The following DCLK1 variants were observed in gnomAD, a reference collection of about 807,000 sequenced individuals.
DCLK1 encodes the protein doublecortin like kinase 1.
In DCLK1, 16 loss-of-function variants were observed where a neutral mutation model predicts 86.2. The ratio of observed to expected loss-of-function variants is 0.19; its 90% CI spans 0.13 to 0.28. DCLK1 has a LOEUF of 0.28. Among genes scored for constraint, DCLK1 ranks in the 10% least tolerant of loss-of-function variants. The pLI, the probability that DCLK1 is intolerant of heterozygous loss-of-function variation, is 1.00. For synonymous variants in DCLK1, 369 were observed against 370.5 expected, an observed-to-expected ratio of 1.00 and a Z score of 0.05; for missense variants, 590 against 940.2, an observed-to-expected ratio of 0.63 and a Z score of 4.87.
chr13:35,865,490 G>A (rs750424992), intron 5 of DCLK1, among the ~76,000 whole-genome samples: 2 of 152,248 alleles, frequency 1.3e-5, no homozygotes, highest in Non-Finnish European at 2.9e-5. Flanking sequence ...GTGTTATTAA[G>A]GCTTCTGGTT....
At chr13:35,949,169 T>C (rs995009266) in intron 3 of DCLK1, among the ~76,000 whole-genome samples, 1 of 152,214 alleles carries the variant, frequency 6.6e-6, no homozygotes, top group African/African-American at 2.4e-5. Flanking sequence ...TGTGGATGAT[T>C]AATACGTTTT....
At chr13:35,865,446 C>A (rs138871145) in intron 5 of DCLK1, among the ~76,000 whole-genome samples, 1 of 152,206 alleles carries the variant, frequency 6.6e-6, no homozygotes, top group Non-Finnish European at 1.5e-5. Context: ...TGTCTCAGCA[C>A]GCAATTTGTC....
chr13:36,081,986 G>A (rs1402819976), intron 3 of DCLK1, among the ~76,000 whole-genome samples: 1 of 152,154 alleles, frequency 6.6e-6, no homozygotes, highest in Non-Finnish European at 1.5e-5. Context: ...AGGGTGGAGA[G>A]GCCAGCAATC....
intron 16 of DCLK1, among the ~76,000 whole-genome samples, chr13:35,776,845 A>C (rs536429758): frequency 3.2e-4 from 49 of 152,224 alleles, no homozygotes; most frequent in African/African-American, 1.1e-3. Flanking sequence ...TTATCCACTC[A>C]ATACTTCACA....
At chr13:35,982,687 T>G (rs1039498661) in intron 3 of DCLK1, among the ~76,000 whole-genome samples, 1 of 152,198 alleles carries the variant, frequency 6.6e-6, no homozygotes. Flanking sequence ...AAAACCTGAT[T>G]GTTAAGTTAC....
intron 3 of DCLK1, among the ~76,000 whole-genome samples, chr13:36,054,986 A>G (rs1883251389): frequency 6.6e-6 from 1 of 152,188 alleles, no homozygotes; most frequent in African/African-American, 2.4e-5. Context: ...CTAAGGGGTA[A>G]TGAGCACTCA....
At chr13:35,983,456 A>G (rs755382133) in intron 3 of DCLK1, among the ~76,000 whole-genome samples, 3 of 152,194 alleles carry the variant, frequency 2.0e-5, no homozygotes, top group Non-Finnish European at 4.4e-5. Flanking sequence ...CACCAAGTGC[A>G]TGAGTGGAAT....
In DCLK1 at chr13:35,769,259, A is replaced by AC. The variant is rs2086286426; in HGVS notation, c.*5275_*5276insG. The AC allele has an allele frequency of 1.3e-5, 2 of 152,338 alleles. No individual in the cohort carries two copies. Among genetic ancestry groups the AC allele is most frequent in the African/African-American group, 4.8e-5 (2 of 41,578 alleles). The allele number at this position is 152,338 out of a possible 1,614,324, so 9.4% of individuals were successfully genotyped here. On this transcript the variant is annotated 3_prime_UTR_variant, in exon 17 of 17. Transcript: ENST00000360631. ...CCATCTGATCCATGCAGCAAGTGAT[A>AC]AATTCAGTATTTTCAAAAGAAATAT...
intron 6 of DCLK1, chr13:35,850,858 G>T: frequency 8.4e-7 from 1 of 1,189,522 alleles, no homozygotes; most frequent in Non-Finnish European, 1.1e-6. Context: ...GCACTGAATG[G>T]GCATCCCCAG....
chr13:36,126,363 C>T (rs1323877935), intron 1 of DCLK1, among the ~76,000 whole-genome samples: 1 of 152,056 alleles, frequency 6.6e-6, no homozygotes, highest in Non-Finnish European at 1.5e-5. Flanking sequence ...CCAGAGTATC[C>T]GGGACTACTA....
intron 4 of DCLK1, among the ~76,000 whole-genome samples, chr13:35,880,801 A>G (rs1000513307): frequency 2.1e-4 from 32 of 152,172 alleles, no homozygotes; most frequent in African/African-American, 7.5e-4. Flanking sequence ...AAGCTTCACC[A>G]AATCTTGACC....
intron 3 of DCLK1, among the ~76,000 whole-genome samples, chr13:36,005,643 C>G (rs753459637): frequency 2.0e-5 from 3 of 152,120 alleles, no homozygotes; most frequent in Non-Finnish European, 2.9e-5. Flanking sequence ...CTGCTGCAGG[C>G]AAAGTGATAG....
At chr13:36,022,961 G>A (rs1366856512) in intron 3 of DCLK1, among the ~76,000 whole-genome samples, 3 of 152,090 alleles carry the variant, frequency 2.0e-5, no homozygotes, top group Admixed American at 2.0e-4. Flanking sequence ...AAAACTACAG[G>A]CAAATATCCC....
In DCLK1 at chr13:35,850,581, A is replaced by T. The variant is rs552318135; in HGVS notation, c.1035+3918T>A. On this transcript the variant is annotated intron_variant, in intron 6 of 16. Transcript: ENST00000360631. ...CATCACGAAAACAAAATGCATACATATTTACTTTTGGATGATTTGGTCTTT... is the reference window on the plus strand; with the variant it reads ...CATCACGAAAACAAAATGCATACATTTTTACTTTTGGATGATTTGGTCTTT... The T allele has an allele frequency of 2.4e-6, 3 of 1,271,768 alleles. No individual in the cohort carries two copies. In the African/African-American group the frequency reaches 4.6e-5, roughly 20 times the overall value. The allele number at this position is 1,271,768 out of a possible 1,614,324, so 78.8% of individuals were successfully genotyped here. A position where few individuals can be genotyped will look rare whatever the true frequency, so the allele number is the denominator to read the frequency against.
intron 3 of DCLK1, among the ~76,000 whole-genome samples, chr13:35,975,384 G>A (rs561875853): frequency 1.9e-4 from 29 of 152,180 alleles, no homozygotes; most frequent in African/African-American, 2.4e-5. Context: ...AGCTGGTCAC[G>A]GTGCCAACCT....
intron 3 of DCLK1, among the ~76,000 whole-genome samples, chr13:36,089,846 C>T (rs2138133532): frequency 6.6e-6 from 1 of 152,298 alleles, no homozygotes; most frequent in East Asian, 1.9e-4. Flanking sequence ...GCACTTTGAT[C>T]TCCATTTGGC....
At chr13:35,883,126 C>T (rs1311209635) in intron 4 of DCLK1, among the ~76,000 whole-genome samples, 1 of 152,082 alleles carries the variant, frequency 6.6e-6, no homozygotes, top group African/African-American at 2.4e-5. Context: ...AAGTGAGGGG[C>T]TTGGGTTTTA....
chr13:35,930,374 G>T (rs1441532703), intron 4 of DCLK1, among the ~76,000 whole-genome samples: 5 of 152,352 alleles, frequency 3.3e-5, no homozygotes, highest in African/African-American at 1.2e-4. Flanking sequence ...GTACTCAGGG[G>T]TATGTGTGGG....
At chr13:35,921,978 T>C (rs905395680) in intron 4 of DCLK1, among the ~76,000 whole-genome samples, 6 of 152,144 alleles carry the variant, frequency 3.9e-5, no homozygotes, top group Non-Finnish European at 7.3e-5. Flanking sequence ...TAGAGAAACA[T>C]AGTGCCTACT....
Sources: allele counts gnomAD v4.1 joint callset (sites outside exome capture counted in the v4.1 genomes callset), GRCh38; gene constraint gnomAD v4.1.1; transcripts MANE v1.5; gene names NCBI Gene and HGNC (gene_info 2026-07-23, HGNC 2026-07-21).